RALGAPA1: variants seen among roughly 807,000 people sequenced by gnomAD.
The protein encoded by RALGAPA1 is ral GTPase-activating protein subunit alpha-1.
In RALGAPA1, 52 loss-of-function variants were observed where a neutral mutation model predicts 269.6. The ratio of observed to expected loss-of-function variants is 0.19; its 90% CI spans 0.15 to 0.24. The LOEUF is 0.24. RALGAPA1 is among the 10% of genes least tolerant of loss of function. The pLI is 1.00. For missense variants in RALGAPA1, 1,917 were observed against 3,013.9 expected (o/e 0.64, Z 8.52); for synonymous variants, 817 against 1,008.3 (o/e 0.81, Z 3.60).
In RALGAPA1 at chr14:35,630,900, A is replaced by G. The variant is rs528352545; in HGVS notation, c.5996-2949T>C. Reference sequence around the variant, plus strand: ...AAAATAAAAAAGAAAATAAATAAATAAAAGTTCCAATTATATTGAAATTTT... The same window carrying G: ...AAAATAAAAAAGAAAATAAATAAATGAAAGTTCCAATTATATTGAAATTTT... On this transcript the variant is annotated intron_variant, in intron 33 of 41. Transcript: ENST00000680220. 2.0e-5 allele frequency among the ~76,000 whole-genome samples: 3 copies of G among 152,186 alleles called. 1 individual carries two copies. The highest frequency in any genetic ancestry group is 4.1e-4 in the South Asian group (2 of 4,820).
chr14:35,748,485 AC>A (rs2072349100), intron 10 of RALGAPA1, 99 bp downstream of exon 10: 2 of 1,370,912 alleles, frequency 1.5e-6, no homozygotes, highest in Non-Finnish European at 1.9e-6. Context: ...AACAACTACA[AC>A]TAAAGGTACA....
At chr14:35,746,363 T>C (rs2072099597) in intron 10 of RALGAPA1, among the ~76,000 whole-genome samples, 1 of 152,160 alleles carries the variant, frequency 6.6e-6, no homozygotes. Context: ...TCCCATATTT[T>C]ACACTTGAAA....
At chr14:35,548,755 TG>T (rs2054689573) in intron 40 of RALGAPA1, among the ~76,000 whole-genome samples, 1 of 152,140 alleles carries the variant, frequency 6.6e-6, no homozygotes, top group South Asian at 2.1e-4. Context: ...TCAGAGATGA[TG>T]GGGTGATATT....
At chr14:35,743,508 T>C (rs2071761845) in intron 10 of RALGAPA1, among the ~76,000 whole-genome samples, 1 of 152,150 alleles carries the variant, frequency 6.6e-6, no homozygotes. Flanking sequence ...ACTCACATTA[T>C]TGTGGTTTTT....
In RALGAPA1 at chr14:35,627,772, C is replaced by T. The variant is rs1385337367; in HGVS notation, c.6175G>A (p.Glu2059Lys). The T allele has an allele frequency of 6.2e-7, 1 of 1,611,374 alleles. No homozygotes were observed. Among genetic ancestry groups the T allele is most frequent in the Admixed American group, 1.7e-5 (1 of 59,848 alleles). ...ACAAAGAACTGGATATTTGGACTCT[C>T]AAAGAGTTCAGGAGAAAGTTCAGTA... Reference protein sequence around the residue: ...ESTELSPELFESPNIQFFVLN... With the variant: ...ESTELSPELFKSPNIQFFVLN... The change falls in exon 34 of 42, where the codon GAG becomes AAG. Residue 2059 changes from glutamate (E) to lysine (K), a missense_variant. Transcript: ENST00000680220.
chr14:35,623,333 A>T (rs1359091270), intron 35 of RALGAPA1, among the ~76,000 whole-genome samples: 3 of 150,002 alleles, frequency 2.0e-5, no homozygotes, highest in Non-Finnish European at 4.5e-5. Context: ...TCACACACAC[A>T]GACATACACA....
At chr14:35,641,890 T>C (rs1437710609) in intron 31 of RALGAPA1, among the ~76,000 whole-genome samples, 1 of 152,172 alleles carries the variant, frequency 6.6e-6, no homozygotes, top group African/African-American at 2.4e-5. Context: ...GGAACTGGCA[T>C]AAAAACTGAC....
intron 1 of RALGAPA1, among the ~76,000 whole-genome samples, chr14:35,800,636 C>T (rs1030899648): frequency 6.6e-6 from 1 of 152,286 alleles, no homozygotes; most frequent in East Asian, 1.9e-4. Flanking sequence ...AGAACAGTTT[C>T]AAATCAATAA....
At chr14:35,663,616 G>A (rs1283207466) in intron 27 of RALGAPA1, among the ~76,000 whole-genome samples, 1 of 146,584 alleles carries the variant, frequency 6.8e-6, no homozygotes, top group East Asian at 2.0e-4. Flanking sequence ...TTGAGACGGA[G>A]TCTCGCTCTG....
Position 35,664,625 on chromosome 14 carries a change from A to C in RALGAPA1, c.5328+17T>G, listed in dbSNP as rs774532546. On this transcript the variant is annotated intron_variant, in intron 27 of 41. Coordinates refer to ENST00000680220, the MANE Select transcript of RALGAPA1 (RefSeq NM_001346249.2). ...TAAAATCATTTAAGTGCTAAAAATT[A>C]GCATCTCATTTCTTACCTTAACATC... 2 of 1,579,164 alleles carry C rather than the reference A, an allele frequency of 1.3e-6. No homozygotes were observed. Among genetic ancestry groups the C allele is most frequent in the Non-Finnish European group, 8.6e-7 (1 of 1,164,190 alleles).
chr14:35,685,046 G>C lies in RALGAPA1; in HGVS notation c.4177C>G (p.Pro1393Ala), dbSNP rs532325755. 11 of 1,607,752 alleles carry C rather than the reference G, an allele frequency of 6.8e-6. No individual in the cohort carries two copies. The African/African-American group carries it at 1.3e-4, about 20-fold the overall frequency. Residue 1393 changes from proline to alanine, a missense_variant, in exon 20 of 42, where the codon CCA becomes GCA. Around this residue, in one of 11 missense-constraint regions of RALGAPA1, gnomAD observed 615 missense variants for 790.0 expected, o/e 0.78. Coordinates refer to ENST00000680220, the MANE Select transcript of RALGAPA1 (RefSeq NM_001346249.2). ...GAAGTCCATTCTGAGGGCACACCTG[G>C]GTCATCAATAGGGCGCATCTGGTTC... Reference protein sequence around the residue: ...KQNQMRPIDDPGVPSEWTSPA... With the variant: ...KQNQMRPIDDAGVPSEWTSPA...
chr14:35,794,173 C>T (rs1240883106), intron 1 of RALGAPA1, among the ~76,000 whole-genome samples: 1 of 152,074 alleles, frequency 6.6e-6, no homozygotes, highest in African/African-American at 2.4e-5. Context: ...GTATATCAAA[C>T]TCTAAAAATA....
intron 24 of RALGAPA1, 107 bp from the exon 25 acceptor site, chr14:35,673,129 G>A (rs1291353601): frequency 1.7e-6 from 2 of 1,173,776 alleles, no homozygotes; most frequent in African/African-American, 3.2e-5. Context: ...TTATTTCCAT[G>A]TTGGCCCAAT....
Position 35,728,378 on chromosome 14 carries a change from T to C in RALGAPA1, c.1720A>G (p.Met574Val), listed in dbSNP as rs1278350599. Reference protein sequence around the residue: ...IYRYMVVQVSMDKKTWEQMLL... With the variant: ...IYRYMVVQVSVDKKTWEQMLL... ...TTTTTTTACCAAGTCTTTTTGTCCA[T>C]TGATACTTGTACAACCATGTACCGA... The change falls in exon 13 of 42, where the codon ATG becomes GTG. Residue 574 changes from methionine to valine, a missense_variant. Physicochemically the swap from Met to Val is conservative, Grantham distance 21 (BLOSUM62 1). Coordinates refer to ENST00000680220, the MANE Select transcript of RALGAPA1 (RefSeq NM_001346249.2). The C allele has an allele frequency of 1.9e-6, 3 of 1,568,834 alleles. No individual in the cohort carries two copies. The highest frequency in any genetic ancestry group is 2.6e-6 in the Non-Finnish European group (3 of 1,161,620).
intron 35 of RALGAPA1, among the ~76,000 whole-genome samples, chr14:35,612,774 G>C (rs1363324032): frequency 1.3e-5 from 2 of 151,954 alleles, no homozygotes; most frequent in Non-Finnish European, 2.9e-5. Flanking sequence ...TCCTGACCTC[G>C]TGATCCGCCC....
intron 16 of RALGAPA1, among the ~76,000 whole-genome samples, chr14:35,715,025 T>C (rs2068690154): frequency 6.6e-6 from 1 of 152,212 alleles, no homozygotes; most frequent in Admixed American, 6.5e-5. Flanking sequence ...TTTCTTTGTC[T>C]TTCCATTCTG....
intron 31 of RALGAPA1, among the ~76,000 whole-genome samples, chr14:35,648,114 A>G (rs1014586987): frequency 6.6e-6 from 1 of 151,108 alleles, no homozygotes; most frequent in Non-Finnish European, 1.5e-5. Context: ...ATCTCTACTG[A>G]AAAAAACAAA....
chr14:35,735,009 G>C (rs2070845452), intron 12 of RALGAPA1, among the ~76,000 whole-genome samples: 1 of 150,386 alleles, frequency 6.6e-6, no homozygotes, highest in South Asian at 2.1e-4. Context: ...GATACCATCT[G>C]ACTCCTGCAA....
chr14:35,716,592 G>A (rs2068850063), intron 16 of RALGAPA1, among the ~76,000 whole-genome samples: 1 of 151,698 alleles, frequency 6.6e-6, no homozygotes, highest in Non-Finnish European at 1.5e-5. Flanking sequence ...AATATCATCT[G>A]ATATTCAATC....
Sources: allele counts gnomAD v4.1 joint callset (sites outside exome capture counted in the v4.1 genomes callset), GRCh38; gene constraint gnomAD v4.1.1; regional missense constraint gnomAD v4.1.1; transcripts MANE v1.5; gene names NCBI Gene and HGNC (gene_info 2026-07-23, HGNC 2026-07-21).